Variants in ARHGEF18 observed in about 807,000 individuals in gnomAD.
ARHGEF18 encodes the protein Rho/Rac guanine nucleotide exchange factor 18.
Under a neutral mutation model 155.7 loss-of-function variants are expected in ARHGEF18, and 93 were observed. That is an observed-to-expected ratio of 0.60 (90% CI 0.50 to 0.71). ARHGEF18 has a LOEUF of 0.71. Among genes scored for constraint, ARHGEF18 ranks in the 30% least tolerant of loss-of-function variants. ARHGEF18 has a pLI of 0.00. For synonymous variants in ARHGEF18, 742 were observed against 753.1 expected, an observed-to-expected ratio of 0.99 and a Z score of 0.24; for missense variants, 1,593 against 1,816.1, an observed-to-expected ratio of 0.88 and a Z score of 2.23.
chr19:7,459,912 C>G lies in ARHGEF18; in HGVS notation c.2370C>G (p.Asp790Glu), dbSNP rs186079821. ...ACTCCTCTCCCTGCAGCTGCCCTGA[C>G]GAGGAGGAGGGGCCCTTCAGCCTGC... ...HIQRAVESCP[D>E]EEEGPFSLPE... Residue 790 changes from aspartate (D) to glutamate (E), a missense_variant, in exon 20 of 29, where the codon GAC becomes GAG. Physicochemically the swap from Asp to Glu is conservative, Grantham distance 45. Coordinates refer to ENST00000668164, the MANE Select transcript of ARHGEF18 (RefSeq NM_001367823.1). The G allele has an allele frequency of 1.3e-6, 2 of 1,577,968 alleles. No individual in the cohort carries two copies. Among genetic ancestry groups the G allele is most frequent in the Non-Finnish European group, 1.7e-6 (2 of 1,161,882 alleles).
the ARHGEF18 span, chr19:7,478,424 G>T: frequency 1.3e-6 from 2 of 1,567,562 alleles, no homozygotes; most frequent in Non-Finnish European, 1.7e-6. Flanking sequence ...GGAGCAGGAG[G>T]GTTAGCTCCA....
At chr19:7,431,529 A>AAAAAAAAAAAAAAAAAAAAAAAAAG (rs901539858) in intron 10 of ARHGEF18, among the ~76,000 whole-genome samples, 2 of 146,840 alleles carry the variant, frequency 1.4e-5, no homozygotes, top group Non-Finnish European at 3.0e-5. Flanking sequence ...AAAAAAAAAA[A>AAAAAAAAAAAAAAAAAAAAAAAAAG]AAAAGGCCGG....
At chr19:7,435,424 A>C (rs745740889) in intron 10 of ARHGEF18, among the ~76,000 whole-genome samples, 2 of 152,184 alleles carry the variant, frequency 1.3e-5, no homozygotes, top group Non-Finnish European at 2.9e-5. Context: ...GGGAAGCACC[A>C]GGGTCAGTTG....
At chr19:7,370,318 ACTCCATCT>A (rs1420710824) in intron 2 of ARHGEF18, among the ~76,000 whole-genome samples, 1 of 151,936 alleles carries the variant, frequency 6.6e-6, no homozygotes, top group Non-Finnish European at 1.5e-5. Flanking sequence ...ACACAGGGAA[ACTCCATCT>A]CTACTAAAAA....
intron 1 of ARHGEF18, among the ~76,000 whole-genome samples, chr19:7,358,228 TCCA>T (rs1969397370): frequency 6.7e-6 from 1 of 149,364 alleles, no homozygotes; most frequent in African/African-American, 2.5e-5. Context: ...CATCCATCCA[TCCA>T]TCCATCCATC....
chr19:7,396,548 T>C (rs1172679674), intron 10 of ARHGEF18, among the ~76,000 whole-genome samples: 1 of 152,036 alleles, frequency 6.6e-6, no homozygotes, highest in East Asian at 1.9e-4. Flanking sequence ...AAACCCCATC[T>C]CTACTAAAAT....
intron 2 of ARHGEF18, among the ~76,000 whole-genome samples, chr19:7,366,543 C>A (rs562271220): frequency 6.6e-6 from 1 of 152,246 alleles, no homozygotes; most frequent in Non-Finnish European, 1.5e-5. Context: ...GGAAGCCCTC[C>A]CTGATACTTT....
chr19:7,411,785 C>T (rs1972701147), intron 10 of ARHGEF18, among the ~76,000 whole-genome samples: 1 of 152,122 alleles, frequency 6.6e-6, no homozygotes, highest in African/African-American at 2.4e-5. Context: ...CAGCCCTTGG[C>T]ACCCACCATT....
chr19:7,456,432 G>C (rs1975833819), intron 18 of ARHGEF18, 29 bp downstream of exon 18: 13 of 1,602,250 alleles, frequency 8.1e-6, no homozygotes, highest in Non-Finnish European at 1.1e-5. Flanking sequence ...CAGACGAAGG[G>C]TCGGCTGGGT....
intron 23 of ARHGEF18, among the ~76,000 whole-genome samples, chr19:7,465,757 A>G (rs1474652070): frequency 6.6e-6 from 1 of 151,960 alleles, no homozygotes; most frequent in Non-Finnish European, 1.5e-5. Context: ...TGGGCAACAT[A>G]GCAAGACCAC....
At chr19:7,452,142 G>A (rs529174839) in intron 16 of ARHGEF18, among the ~76,000 whole-genome samples, 5 of 152,356 alleles carry the variant, frequency 3.3e-5, no homozygotes, top group East Asian at 1.9e-4. Flanking sequence ...GCCACTGCAG[G>A]CCCTCAGTGT....
intron 1 of ARHGEF18, among the ~76,000 whole-genome samples, chr19:7,357,780 G>A (rs1488336627): frequency 6.6e-6 from 1 of 152,094 alleles, no homozygotes; most frequent in Non-Finnish European, 1.5e-5. Context: ...AGTAAGGCTT[G>A]AGAGAGGAGA....
intron 10 of ARHGEF18, among the ~76,000 whole-genome samples, chr19:7,398,507 G>A (rs1056707794): frequency 2.0e-5 from 3 of 151,796 alleles, no homozygotes; most frequent in African/African-American, 7.3e-5. Context: ...CTGGCCAACA[G>A]GGTGAAACCC....
At chr19:7,433,507 CAAAAA>C (rs35825715) in intron 10 of ARHGEF18, among the ~76,000 whole-genome samples, 6 of 58,298 alleles carry the variant, frequency 1.0e-4, no homozygotes, top group East Asian at 1.3e-3. Context: ...ACTCCGTCTC[CAAAAA>C]AAAAAAAAAA....
intron 10 of ARHGEF18, among the ~76,000 whole-genome samples, chr19:7,407,957 G>C (rs1158469034): frequency 2.6e-5 from 2 of 78,414 alleles, no homozygotes; most frequent in African/African-American, 1.8e-4. Context: ...GCGAGACTCC[G>C]TCTCAAAAAA....
In ARHGEF18 at chr19:7,470,425, A is replaced by C; in HGVS notation, c.*127A>C. ...CCTCTTCCCTAGCAAACCACTGATG[A>C]CCGCCTGGCAGGGGCCAGCCTGTCG... is the stretch of plus-strand genomic sequence containing the variant. On this transcript the variant is annotated 3_prime_UTR_variant, in exon 29 of 29. Transcript: ENST00000668164. This position sits in a 1 kb window ranked among gnomAD's most constrained non-coding sequence, Gnocchi z 5.9. 1.0e-6 allele frequency: 1 copy of C among 967,396 alleles called. No individual in the cohort carries two copies. The highest frequency in any genetic ancestry group is 1.3e-6 in the Non-Finnish European group (1 of 742,116). The allele number at this position is 967,396 out of a possible 1,614,324, so 59.9% of individuals were successfully genotyped here. A position where few individuals can be genotyped will look rare whatever the true frequency, so the allele number is the denominator to read the frequency against.
intron 6 of ARHGEF18, 64 bp downstream of exon 6, chr19:7,378,515 G>T: frequency 8.3e-7 from 1 of 1,206,802 alleles, no homozygotes; most frequent in South Asian, 4.2e-5. Context: ...TCAGGGCTGC[G>T]GGAGGAGGGC....
chr19:7,450,697 C>T (rs970346110), intron 15 of ARHGEF18, among the ~76,000 whole-genome samples: 73 of 114,666 alleles, frequency 6.4e-4, no homozygotes, highest in South Asian at 3.3e-3. Context: ...TCTTGCTGTC[C>T]GTTTCCGAGA....
intron 10 of ARHGEF18, among the ~76,000 whole-genome samples, chr19:7,428,075 A>G (rs1416995868): frequency 6.6e-6 from 1 of 152,222 alleles, no homozygotes; most frequent in Non-Finnish European, 1.5e-5. Context: ...TAAGAAGAAT[A>G]AGATGATAAA....
Sources: gnomAD v4.1 joint callset for allele counts (sites outside exome capture counted in the v4.1 genomes callset) on GRCh38, gnomAD v4.1.1 for gene constraint, Gnocchi (gnomAD v3.1) non-coding constraint, MANE v1.5 for transcripts, NCBI Gene and HGNC (gene_info 2026-07-23, HGNC 2026-07-21) for gene names.